RGS9: variants seen among roughly 807,000 people sequenced by gnomAD.
RGS9 encodes regulator of G protein signaling 9.
Under a neutral mutation model 102.0 loss-of-function variants are expected in RGS9, and 78 were observed. The ratio of observed to expected loss-of-function variants is 0.76; its 90% CI spans 0.64 to 0.92. RGS9 has a LOEUF of 0.92. Ranked by LOEUF, RGS9 falls within the 40% of genes least tolerant of loss-of-function variation. The pLI, the probability that RGS9 is intolerant of heterozygous loss-of-function variation, is 0.00. For synonymous variants in RGS9, 353 were observed against 318.6 expected, an observed-to-expected ratio of 1.11 and a Z score of -1.15; for missense variants, 833 against 866.1, an observed-to-expected ratio of 0.96 and a Z score of 0.48.
intron 1 of RGS9, among the ~76,000 whole-genome samples, chr17:65,141,596 G>A (rs752651676): frequency 2.0e-5 from 3 of 152,226 alleles, no homozygotes; most frequent in Non-Finnish European, 2.9e-5. Context: ...GGTGCTGGGA[G>A]CACCAAGGAG....
intron 7 of RGS9, among the ~76,000 whole-genome samples, chr17:65,164,702 A>C (rs1274697126): frequency 6.6e-6 from 1 of 152,210 alleles, no homozygotes; most frequent in Non-Finnish European, 1.5e-5. Flanking sequence ...TAGGGTTTAG[A>C]ATCAGGTAGA....
In RGS9 at chr17:65,202,069, G is replaced by C; in HGVS notation, c.1053G>C (p.Glu351Asp). The C allele has an allele frequency of 6.2e-7, 1 of 1,612,740 alleles. No individual in the cohort carries two copies. The highest frequency in any genetic ancestry group is 8.5e-7 in the Non-Finnish European group (1 of 1,178,852). ...GDQSKVKEKA[E>D]EIYKLFLAPG... ...AGTCCAAAGTCAAGGAGAAAGCAGA[G>C]GAGATTTACAAGTGAGCATCAGCCA... Residue 351 changes from glutamate (E) to aspartate (D), a missense_variant, in exon 14 of 19, where the codon GAG (glutamate) becomes GAC (aspartate). Glu to Asp is a conservative substitution (Grantham distance 45, BLOSUM62 2). Coordinates refer to ENST00000262406, the MANE Select transcript of RGS9 (RefSeq NM_003835.4).
At chr17:65,218,500 G>A (rs964846206) in intron 17 of RGS9, among the ~76,000 whole-genome samples, 4 of 152,228 alleles carry the variant, frequency 2.6e-5, no homozygotes, top group Non-Finnish European at 5.9e-5. Flanking sequence ...GGGAAGGAAT[G>A]TGGACTTTGG....
chr17:65,150,723 G>T (rs1225583384), intron 1 of RGS9, among the ~76,000 whole-genome samples: 2 of 152,202 alleles, frequency 1.3e-5, no homozygotes, highest in Non-Finnish European at 2.9e-5. Flanking sequence ...CCTTGTCATT[G>T]CATGTTCTGC....
chr17:65,201,915 A>T lies in RGS9; in HGVS notation c.977-78A>T. On this transcript the variant is annotated intron_variant, in intron 13 of 18. Coordinates refer to ENST00000262406, the MANE Select transcript of RGS9 (RefSeq NM_003835.4). ...AAATGGAATCCATCCCGGTTGACTC[A>T]TTTCTTTTATTTCCTCTTTTCTTCT... 4.0e-6 allele frequency: 4 copies of T among 1,000,150 alleles called. No homozygotes were observed. The South Asian group carries it at 5.1e-5, about 13-fold the overall frequency. The allele number at this position is 1,000,150 out of a possible 1,614,324, so 62.0% of individuals were successfully genotyped here.
chr17:65,161,503 C>T (rs543863523), intron 6 of RGS9, among the ~76,000 whole-genome samples: 4 of 152,180 alleles, frequency 2.6e-5, no homozygotes, highest in South Asian at 4.2e-4. Flanking sequence ...CTGCCTGCCT[C>T]GGCCTCTCAA....
chr17:65,152,400 G>C (rs1567861271), intron 1 of RGS9, among the ~76,000 whole-genome samples: 1 of 152,202 alleles, frequency 6.6e-6, no homozygotes, highest in East Asian at 1.9e-4. Flanking sequence ...TCATTTACTT[G>C]GAGTCAAGTG....
At chr17:65,159,459 T>G (rs191748368) in intron 3 of RGS9, among the ~76,000 whole-genome samples, 1 of 152,196 alleles carries the variant, frequency 6.6e-6, no homozygotes, top group African/African-American at 2.4e-5. Flanking sequence ...ACTTGGTCTT[T>G]GATGGAGGGA....
At chr17:65,206,620 T>C (rs1343448242) in intron 15 of RGS9, among the ~76,000 whole-genome samples, 1 of 152,230 alleles carries the variant, frequency 6.6e-6, no homozygotes, top group Admixed American at 6.5e-5. Flanking sequence ...GAGGTTGCAG[T>C]GAGTTGAGAT....
chr17:65,226,396 C>G (rs6504284), intron 18 of RGS9, among the ~76,000 whole-genome samples: 1 of 151,994 alleles, frequency 6.6e-6, no homozygotes, highest in African/African-American at 2.4e-5. Flanking sequence ...CTGCCTGTGT[C>G]GCTTAGGGGG....
At chr17:65,214,127 AATTTTTTGT>A (rs1422201633) in intron 17 of RGS9, among the ~76,000 whole-genome samples, 1 of 152,070 alleles carries the variant, frequency 6.6e-6, no homozygotes, top group Non-Finnish European at 1.5e-5. Context: ...AGGCTTGGCT[AATTTTTTGT>A]ATTTTTTGTA....
At chr17:65,161,645 C>T (rs1291053564) in intron 6 of RGS9, among the ~76,000 whole-genome samples, 4 of 151,956 alleles carry the variant, frequency 2.6e-5, no homozygotes, top group Non-Finnish European at 5.9e-5. Context: ...CATGCTAGCC[C>T]TCAAAAGGCC....
intron 5 of RGS9, 39 bp from the exon 6 acceptor site, chr17:65,160,812 A>G: frequency 6.2e-7 from 1 of 1,606,334 alleles, no homozygotes. Flanking sequence ...TGGGGTTTTG[A>G]AAGATGATGA....
intron 17 of RGS9, among the ~76,000 whole-genome samples, chr17:65,215,474 C>CTTTCTTTCTTTCTT (rs1378047430): frequency 2.2e-5 from 3 of 137,042 alleles, no homozygotes; most frequent in Admixed American, 1.4e-4. Context: ...TTCTTTCTTT[C>CTTTCTTTCTTTCTT]TCTATCTTTC....
At chr17:65,165,567 A>T (rs1911144828) in intron 7 of RGS9, among the ~76,000 whole-genome samples, 1 of 151,924 alleles carries the variant, frequency 6.6e-6, no homozygotes, top group East Asian at 1.9e-4. Flanking sequence ...CAAACCTCAA[A>T]CTTACCTTGT....
chr17:65,193,784 T>C, intron 12 of RGS9, 128 bp downstream of exon 12: 1 of 677,536 alleles, frequency 1.5e-6, no homozygotes, highest in South Asian at 1.7e-5. Context: ...CTACAATCAA[T>C]TTTAAAACAT....
intron 1 of RGS9, among the ~76,000 whole-genome samples, chr17:65,146,886 A>AAAAC (rs35048073): frequency 6.6e-6 from 1 of 151,316 alleles, no homozygotes. Flanking sequence ...CTCCGTCTCA[A>AAAAC]AAACAAACAA....
chr17:65,210,507 C>A lies in RGS9; in HGVS notation c.1309C>A (p.Arg437=). 1.2e-6 allele frequency: 2 copies of A among 1,613,418 alleles called. No homozygotes were observed. Among genetic ancestry groups the A allele is most frequent in the Non-Finnish European group, 1.7e-6 (2 of 1,179,968 alleles). The change falls in exon 17 of 19, where the codon CGG becomes AGG. Residue 437 remains arginine (R), a synonymous_variant. Transcript: ENST00000262406. ...TKKSSTLPFM[R]RHLRSSPSPV... ...TTCCAGCTCCACCCTCCCTTTTATG[C>A]GGCGTCACCTGCGCTCCAGCCCAAG...
At chr17:65,166,953 T>C (rs1911208390) in intron 7 of RGS9, among the ~76,000 whole-genome samples, 1 of 152,226 alleles carries the variant, frequency 6.6e-6, no homozygotes, top group African/African-American at 2.4e-5. Flanking sequence ...TCACAGTACG[T>C]TAACGGGGAG....
Sources: allele counts gnomAD v4.1 joint callset (sites outside exome capture counted in the v4.1 genomes callset), GRCh38; gene constraint gnomAD v4.1.1; transcripts MANE v1.5; gene names NCBI Gene and HGNC (gene_info 2026-07-23, HGNC 2026-07-21).